Variants in KDM4A observed in about 807,000 individuals in gnomAD.
KDM4A encodes the protein lysine demethylase 4A.
In KDM4A, 23 loss-of-function variants were observed where a neutral mutation model predicts 127.1. The observed-to-expected ratio is 0.18, with a 90% CI of 0.13 to 0.26. The LOEUF is 0.26. KDM4A is among the 10% of genes least tolerant of loss of function. KDM4A has a pLI of 1.00. For synonymous variants in KDM4A, 443 were observed against 466.5 expected, an observed-to-expected ratio of 0.95 and a Z score of 0.65; for missense variants, 890 against 1,329.1, an observed-to-expected ratio of 0.67 and a Z score of 5.14.
At chr1:43,668,597 G>A (rs1660552159) in intron 9 of KDM4A, among the ~76,000 whole-genome samples, 1 of 152,170 alleles carries the variant, frequency 6.6e-6, no homozygotes. Flanking sequence ...GCATTTATGT[G>A]CGAAGGTCGG....
At chr1:43,699,262 A>G (rs1222257815) in intron 19 of KDM4A, among the ~76,000 whole-genome samples, 1 of 151,964 alleles carries the variant, frequency 6.6e-6, no homozygotes, top group Non-Finnish European at 1.5e-5. Flanking sequence ...CACCTGGCTA[A>G]TTTTTAAATT....
intron 5 of KDM4A, among the ~76,000 whole-genome samples, chr1:43,665,086 T>G (rs544999250): frequency 6.6e-6 from 1 of 152,332 alleles, no homozygotes; most frequent in African/African-American, 2.4e-5. Flanking sequence ...TCCTAGGTGT[T>G]CTTTTTTACT....
chr1:43,668,115 T>G (rs776724635), intron 9 of KDM4A, 96 bp downstream of exon 9: 1 of 1,511,578 alleles, frequency 6.6e-7, no homozygotes, highest in Non-Finnish European at 8.9e-7. Context: ...TTTTTTTGTT[T>G]TGTTTTGTTT....
At chr1:43,661,553 G>A (rs1028915893) in intron 4 of KDM4A, among the ~76,000 whole-genome samples, 2 of 136,910 alleles carry the variant, frequency 1.5e-5, no homozygotes, top group Admixed American at 8.0e-5. Flanking sequence ...AGCTTGCAGT[G>A]AGCCGAGATT....
rs560819083 is a variant in KDM4A at position 43,695,925 on chromosome 1, T to A, written c.2670+1031T>A. ...AGATGGGAAGGATGCTAATATGATG[T>A]TAGTAACTGCAATCAGGAACTGAGA... is the stretch of plus-strand genomic sequence containing the variant. On this transcript the variant is annotated intron_variant, in intron 18 of 21. Transcript: ENST00000372396. Among the ~76,000 whole-genome samples the A allele has an allele frequency of 2.0e-5, 3 of 152,192 alleles. No homozygotes were observed. The East Asian group carries it at 5.8e-4, about 29-fold the overall frequency.
intron 11 of KDM4A, among the ~76,000 whole-genome samples, chr1:43,677,039 A>G (rs1261757228): frequency 2.6e-5 from 4 of 152,136 alleles, no homozygotes; most frequent in Non-Finnish European, 5.9e-5. Context: ...TTCAGTGTGT[A>G]TCTCTGAATA....
chr1:43,689,400 T>C (rs1661057381), intron 13 of KDM4A, among the ~76,000 whole-genome samples: 1 of 152,256 alleles, frequency 6.6e-6, no homozygotes, highest in African/African-American at 2.4e-5. Flanking sequence ...CCGTGGTTAT[T>C]CCTGCCAAGT....
chr1:43,703,254 T>C (rs1570887061), intron 19 of KDM4A: 2 of 160,612 alleles, frequency 1.2e-5, no homozygotes, highest in South Asian at 1.5e-4. Flanking sequence ...AAAAAACACA[T>C]GTCTTATAGT....
chr1:43,678,282 A>C (rs992069280), intron 11 of KDM4A, among the ~76,000 whole-genome samples: 4 of 152,056 alleles, frequency 2.6e-5, no homozygotes, highest in Admixed American at 6.6e-5. Flanking sequence ...CCAGGAGGGC[A>C]CTGGTGGGCA....
At chr1:43,674,712 G>T (rs1403841372) in intron 11 of KDM4A, among the ~76,000 whole-genome samples, 2 of 151,932 alleles carry the variant, frequency 1.3e-5, no homozygotes, top group African/African-American at 4.8e-5. Flanking sequence ...TAGAGATGGG[G>T]TTTCACCATG....
intron 11 of KDM4A, among the ~76,000 whole-genome samples, chr1:43,682,378 C>T (rs945184785): frequency 3.3e-5 from 5 of 152,130 alleles, no homozygotes; most frequent in Non-Finnish European, 7.3e-5. Flanking sequence ...TCCGGATGTA[C>T]GTTTTGAAAA....
chr1:43,682,418 G>A (rs958615834), intron 11 of KDM4A, among the ~76,000 whole-genome samples: 3 of 152,088 alleles, frequency 2.0e-5, no homozygotes, highest in South Asian at 2.1e-4. Flanking sequence ...ATATAGTTCC[G>A]GTCTGATTAA....
rs753226619 is a variant in KDM4A, at chr1:43,688,984, A to G, written c.1926A>G (p.Gln642=). Residue 642 remains glutamine, a synonymous_variant, in exon 13 of 22, where the codon CAA becomes CAG. Coordinates refer to ENST00000372396, the MANE Select transcript of KDM4A (RefSeq NM_014663.3). This position sits in a 1 kb window ranked among gnomAD's most constrained non-coding sequence, Gnocchi z 4.4. Reference sequence around the variant, plus strand: ...AGGCCTGGGCCAAGCCTCTGAGCCAACTGTGGCAGAACCGACCTCCAAACT... The same window carrying G: ...AGGCCTGGGCCAAGCCTCTGAGCCAGCTGTGGCAGAACCGACCTCCAAACT... ...ETEAWAKPLS[Q]LWQNRPPNFE... 6.2e-7 allele frequency: 1 copy of G among 1,614,120 alleles called. No homozygotes were observed. Among genetic ancestry groups the G allele is most frequent in the South Asian group, 1.1e-5 (1 of 91,092 alleles).
rs1394189744 is a variant in KDM4A, at chr1:43,694,026, T to A, written c.2408T>A (p.Leu803Gln). 6.2e-7 allele frequency: 1 copy of A among 1,614,138 alleles called. No homozygotes were observed. Among genetic ancestry groups the A allele is most frequent in the Non-Finnish European group, 8.5e-7 (1 of 1,180,046 alleles). Residue 803 changes from leucine (L) to glutamine (Q), a missense_variant, in exon 17 of 22, where the codon CTG becomes CAG. Transcript: ENST00000372396. The surrounding 1 kb of genome is among the most constrained non-coding windows in gnomAD (Gnocchi z 5.2). ...WVHVSCAVAILEARFVNIAER... is the reference protein window; with the variant it reads ...WVHVSCAVAIQEARFVNIAER... ...CACGTTTCATGTGCTGTGGCAATTC[T>A]GGAAGCAAGGTTTGTCAACATTGCA...
chr1:43,654,709 G>A (rs1411228079), intron 2 of KDM4A, among the ~76,000 whole-genome samples: 1 of 64,926 alleles, frequency 1.5e-5, no homozygotes, highest in Admixed American at 1.3e-4. Flanking sequence ...GTGAGTGTGT[G>A]TGTGTGTGTG....
rs756378444 is a variant in KDM4A at position 43,663,073 on chromosome 1, A to C, written c.609A>C (p.Gly203=). ...ACAGCATCAACTACCTGCACTTTGG[A>C]GAACCAAAGTCCTGGTACAGTCTGC... ...DLYSINYLHF[G]EPKSWYSVPP... is the part of the protein sequence containing the mutation. The change falls in exon 5 of 22, where the codon GGA becomes GGC. Residue 203 remains glycine, a synonymous_variant. Coordinates refer to ENST00000372396, the MANE Select transcript of KDM4A (RefSeq NM_014663.3). The C allele has an allele frequency of 1.9e-6, 3 of 1,613,480 alleles. No individual in the cohort carries two copies. In the South Asian group the frequency reaches 3.3e-5, roughly 18 times the overall value.
At chr1:43,678,424 CAGG>C (rs1438095938) in intron 11 of KDM4A, among the ~76,000 whole-genome samples, 2 of 151,912 alleles carry the variant, frequency 1.3e-5, no homozygotes, top group Admixed American at 6.6e-5. Context: ...AGTGCCAGGG[CAGG>C]AGAAGAGTTC....
chr1:43,662,066 T>C (rs1660395371), intron 4 of KDM4A, among the ~76,000 whole-genome samples: 1 of 152,048 alleles, frequency 6.6e-6, no homozygotes, highest in Non-Finnish European at 1.5e-5. Context: ...GCTACTTTTT[T>C]TAATTTGTAA....
chr1:43,702,138 A>G (rs1661413491), intron 19 of KDM4A: 2 of 152,224 alleles, frequency 1.3e-5, no homozygotes, highest in Non-Finnish European at 2.9e-5. Flanking sequence ...ACAAAGGCTA[A>G]TAGTTTAATA....
Sources: gnomAD v4.1 joint callset for allele counts (sites outside exome capture counted in the v4.1 genomes callset) on GRCh38, gnomAD v4.1.1 for gene constraint, Gnocchi (gnomAD v3.1) non-coding constraint, MANE v1.5 for transcripts, NCBI Gene and HGNC (gene_info 2026-07-23, HGNC 2026-07-21) for gene names.